CDH23: variants seen among roughly 807,000 people sequenced by gnomAD.
CDH23 encodes cadherin-23.
In CDH23, 189 loss-of-function variants were observed where a neutral mutation model predicts 317.1. That is an observed-to-expected ratio of 0.60 (90% CI 0.53 to 0.67). The LOEUF is 0.67. Among genes scored for constraint, CDH23 ranks in the 30% least tolerant of loss-of-function variants. The pLI is 0.00. For synonymous variants in CDH23, 1,839 were observed against 1,876.8 expected (o/e 0.98, Z 0.52); for missense variants, 4,401 against 4,592.4 (o/e 0.96, Z 1.20).
intron 48 of CDH23, chr10:71,796,023 G>C: frequency 1.0e-6 from 1 of 986,704 alleles, no homozygotes; most frequent in Non-Finnish European, 1.2e-6. Context: ...CCCAGCCTGG[G>C]GGACAGGGAG....
At chr10:71,476,783 G>A (rs1317841560) in intron 3 of CDH23, among the ~76,000 whole-genome samples, 2 of 152,144 alleles carry the variant, frequency 1.3e-5, no homozygotes, top group African/African-American at 4.8e-5. Context: ...GAACTTCAAA[G>A]CACCCCCTTT....
chr10:71,560,304 T>C (rs1165283668), intron 6 of CDH23, among the ~76,000 whole-genome samples: 1 of 152,214 alleles, frequency 6.6e-6, no homozygotes, highest in East Asian at 1.9e-4. Context: ...GAGCCCATTT[T>C]CTTATTCTCA....
Position 71,682,533 on chromosome 10 carries a change from C to G in CDH23, c.1947C>G (p.Pro649=). The change falls in exon 18 of 70, where the codon CCC becomes CCG. Residue 649 remains proline (P), a synonymous_variant. Transcript: ENST00000224721. ...TCATGGCCATGGATGCTGGCAACCC[C>G]CCTCTCAACAGCACCGTCCCTGTCA... ...LTVMAMDAGN[P]PLNSTVPVTI... 1 of 1,613,758 alleles carries G rather than the reference C, an allele frequency of 6.2e-7. No homozygotes were observed. Among genetic ancestry groups the G allele is most frequent in the East Asian group, 2.2e-5 (1 of 44,882 alleles).
At chr10:71,760,314 CATAT>C (rs71018220) in intron 38 of CDH23, among the ~76,000 whole-genome samples, 2 of 82,416 alleles carry the variant, frequency 2.4e-5, no homozygotes. Flanking sequence ...TATACACACA[CATAT>C]ATATATATAT....
At chr10:71,631,521 T>A (rs911944504) in intron 11 of CDH23, among the ~76,000 whole-genome samples, 7 of 152,344 alleles carry the variant, frequency 4.6e-5, no homozygotes, top group African/African-American at 1.4e-4. Context: ...AGCCCTAATG[T>A]CTTTCAGTAG....
intron 38 of CDH23, among the ~76,000 whole-genome samples, chr10:71,759,767 G>A (rs1347147427): frequency 2.7e-5 from 4 of 150,722 alleles, no homozygotes; most frequent in Admixed American, 2.0e-4. Flanking sequence ...AGCCCAGATC[G>A]CGCCACTGCA....
chr10:71,567,236 C>T (rs994602735), intron 7 of CDH23, among the ~76,000 whole-genome samples: 4 of 152,234 alleles, frequency 2.6e-5, no homozygotes, highest in Non-Finnish European at 4.4e-5. Flanking sequence ...AATTCAGTGA[C>T]TTTCCATGGT....
At chr10:71,667,029 G>A (rs556045306) in intron 14 of CDH23, among the ~76,000 whole-genome samples, 5 of 152,330 alleles carry the variant, frequency 3.3e-5, no homozygotes, top group South Asian at 4.1e-4. Context: ...ATTGTACCGC[G>A]TGCCCTTCTC....
At chr10:71,479,253 T>A (rs1271200589) in intron 3 of CDH23, among the ~76,000 whole-genome samples, 1 of 152,218 alleles carries the variant, frequency 6.6e-6, no homozygotes, top group African/African-American at 2.4e-5. Flanking sequence ...AGGCTGCTCA[T>A]GTGAAGGGGG....
intron 1 of CDH23, among the ~76,000 whole-genome samples, chr10:71,405,290 TC>T (rs2074501783): frequency 6.6e-6 from 1 of 152,206 alleles, no homozygotes; most frequent in African/African-American, 2.4e-5. Context: ...AGGAGGCTGA[TC>T]TTGCCCTTCT....
intron 11 of CDH23, among the ~76,000 whole-genome samples, chr10:71,631,416 G>T (rs553319524): frequency 4.2e-4 from 64 of 152,330 alleles, no homozygotes; most frequent in African/African-American, 1.5e-3. Context: ...AGGGGAAGAG[G>T]AGCAAGAGGG....
chr10:71,425,269 GGAAGGAAGGAAGAAAGGA>G (rs1849014947), intron 1 of CDH23, among the ~76,000 whole-genome samples: 2 of 129,704 alleles, frequency 1.5e-5, no homozygotes, highest in African/African-American at 6.0e-5. Flanking sequence ...GAGAGAGAGA[GGAAGGAAGGAAGAAAGGA>G]AGGAACGAAG....
chr10:71,718,713 G>T (rs1277750721), intron 28 of CDH23, among the ~76,000 whole-genome samples: 1 of 152,230 alleles, frequency 6.6e-6, no homozygotes, highest in Non-Finnish European at 1.5e-5. Context: ...GGAATCTGGA[G>T]ACCCTACTGG....
At chr10:71,576,441 GC>G (rs1291549350) in intron 8 of CDH23, among the ~76,000 whole-genome samples, 6 of 152,154 alleles carry the variant, frequency 3.9e-5, no homozygotes, top group African/African-American at 1.2e-4. Flanking sequence ...AGGAGGGGTA[GC>G]TTGCCCCACA....
intron 3 of CDH23, among the ~76,000 whole-genome samples, chr10:71,501,345 C>G (rs986426784): frequency 1.3e-5 from 2 of 152,202 alleles, no homozygotes; most frequent in Non-Finnish European, 2.9e-5. Context: ...CATGCCGTCC[C>G]CTCCAAGTGG....
At chr10:71,590,822 C>T (rs1391862820) in intron 9 of CDH23, among the ~76,000 whole-genome samples, 1 of 145,560 alleles carries the variant, frequency 6.9e-6, no homozygotes, top group Admixed American at 7.0e-5. Flanking sequence ...ACTAAGATGG[C>T]CCCACTGCAC....
At position 71,577,943 on chromosome 10, in the gene CDH23, A is replaced by G; in HGVS notation, c.783A>G (p.Ile261Met). ...CGACGGTGCGCATCATCACCGCCATAGACCAGGATAAAGGACGTCCCCGGG... is the reference window on the plus strand; with the variant it reads ...CGACGGTGCGCATCATCACCGCCATGGACCAGGATAAAGGACGTCCCCGGG... ...PGTTVRIITA[I>M]DQDKGRPRGI... The change falls in exon 9 of 70, where the codon ATA becomes ATG. Residue 261 changes from isoleucine to methionine, a missense_variant. Ile to Met is a conservative substitution (Grantham distance 10). Coordinates refer to ENST00000224721, the MANE Select transcript of CDH23 (RefSeq NM_022124.6). 1 of 1,605,728 alleles carries G rather than the reference A, an allele frequency of 6.2e-7. No individual in the cohort carries two copies. The highest frequency in any genetic ancestry group is 8.5e-7 in the Non-Finnish European group (1 of 1,176,268).
intron 9 of CDH23, 22 bp downstream of exon 9, chr10:71,578,014 C>G (rs751317083): frequency 6.4e-7 from 1 of 1,573,142 alleles, no homozygotes; most frequent in Non-Finnish European, 8.6e-7. Context: ...GGCTGCCCCT[C>G]TCTCCTCTCA....
chr10:71,420,847 G>A (rs986547113), intron 1 of CDH23, among the ~76,000 whole-genome samples: 2 of 152,036 alleles, frequency 1.3e-5, no homozygotes, highest in African/African-American at 4.8e-5. Flanking sequence ...ACTCACTTCA[G>A]CATTTCTCGG....
Sources: allele counts gnomAD v4.1 joint callset (sites outside exome capture counted in the v4.1 genomes callset), GRCh38; gene constraint gnomAD v4.1.1; transcripts MANE v1.5; gene names NCBI Gene and HGNC (gene_info 2026-07-23, HGNC 2026-07-21).